The following HPSE2 variants were observed in gnomAD, a reference collection of about 807,000 sequenced individuals.
The protein encoded by HPSE2 is inactive heparanase-2.
Under a neutral mutation model 60.5 loss-of-function variants are expected in HPSE2, and 38 were observed. The observed-to-expected ratio is 0.63, with a 90% CI of 0.48 to 0.82. The LOEUF (loss-of-function observed/expected upper bound fraction) is 0.82, where lower values mean the gene tolerates loss of function less well. HPSE2 is among the 40% of genes least tolerant of loss of function. The pLI is 0.00. For missense variants in HPSE2, 713 were observed against 740.4 expected, an observed-to-expected ratio of 0.96 and a Z score of 0.43; for synonymous variants, 295 against 293.2, an observed-to-expected ratio of 1.01 and a Z score of -0.06.
At chr10:99,043,352 T>G (rs1957785361) in intron 3 of HPSE2, among the ~76,000 whole-genome samples, 2 of 152,076 alleles carry the variant, frequency 1.3e-5, no homozygotes, top group African/African-American at 2.4e-5. Flanking sequence ...GGCGTGGTGG[T>G]GGGCACCTGT....
chr10:98,767,463 C>T (rs1052525137), intron 3 of HPSE2, among the ~76,000 whole-genome samples: 2 of 149,930 alleles, frequency 1.3e-5, no homozygotes, highest in African/African-American at 4.9e-5. Context: ...TATGGAAATA[C>T]ATTATATGTT....
At position 98,721,804 on chromosome 10, in the gene HPSE2, T is replaced by G; in HGVS notation, c.809A>C (p.His270Pro). Residue 270 changes from histidine to proline, a missense_variant, in exon 5 of 12, where the codon CAT becomes CCT. Transcript: ENST00000370552. ...GNEPNNYRTM[H>P]GRAVNGSQLG... ...CTGGCTGCCATTTACTGCCCGGCCA[T>G]GCATGGTCCGATAGTTATTTGGCTC... 6.2e-7 allele frequency: 1 copy of G among 1,613,620 alleles called. No individual in the cohort carries two copies. The highest frequency in any genetic ancestry group is 1.7e-4 in the Middle Eastern group (1 of 6,056).
At chr10:98,753,416 G>A (rs1372394932) in intron 3 of HPSE2, among the ~76,000 whole-genome samples, 7 of 152,136 alleles carry the variant, frequency 4.6e-5, no homozygotes, top group Non-Finnish European at 7.4e-5. Context: ...CAGAAGAACT[G>A]ACAGTGGGGA....
chr10:99,080,980 G>C (rs944827653), intron 3 of HPSE2, among the ~76,000 whole-genome samples: 6 of 152,118 alleles, frequency 3.9e-5, no homozygotes, highest in African/African-American at 1.4e-4. Context: ...ATTTTTAGTA[G>C]AGACGGGGTT....
chr10:98,680,410 C>A (rs1414735427), intron 6 of HPSE2, among the ~76,000 whole-genome samples: 4 of 151,860 alleles, frequency 2.6e-5, no homozygotes, highest in Non-Finnish European at 5.9e-5. Context: ...AGTGTTAAAT[C>A]ATTTATTTGA....
the HPSE2 span, among the ~76,000 whole-genome samples, chr10:99,264,595 C>T: frequency 1.3e-5 from 2 of 152,182 alleles, no homozygotes; most frequent in Non-Finnish European, 2.9e-5. Flanking sequence ...CAAAAACTCG[C>T]TAACCAAGCA....
At chr10:98,532,716 G>A (rs547297160) in intron 9 of HPSE2, among the ~76,000 whole-genome samples, 3 of 152,306 alleles carry the variant, frequency 2.0e-5, no homozygotes, top group Non-Finnish European at 2.9e-5. Flanking sequence ...AGTAGGAGAA[G>A]ATGGTTTCAA....
chr10:99,123,712 G>A (rs1326375511), intron 3 of HPSE2, among the ~76,000 whole-genome samples: 1 of 152,172 alleles, frequency 6.6e-6, no homozygotes, highest in Non-Finnish European at 1.5e-5. Context: ...ATCCAAGGTG[G>A]GTAGCTCCTT....
intron 3 of HPSE2, among the ~76,000 whole-genome samples, chr10:98,763,439 GA>G (rs1213229586): frequency 1.3e-5 from 2 of 151,252 alleles, no homozygotes; most frequent in Non-Finnish European, 3.0e-5. Flanking sequence ...CAAGTATAAA[GA>G]AAAAAAATCT....
At chr10:98,608,902 C>G (rs913364937) in intron 9 of HPSE2, among the ~76,000 whole-genome samples, 1 of 152,040 alleles carries the variant, frequency 6.6e-6, no homozygotes, top group African/African-American at 2.4e-5. Context: ...CCCGCCCTAC[C>G]ACCTCCAGGT....
chr10:98,864,410 A>T (rs1952535757), intron 3 of HPSE2, among the ~76,000 whole-genome samples: 1 of 151,942 alleles, frequency 6.6e-6, no homozygotes, highest in Non-Finnish European at 1.5e-5. Flanking sequence ...TCACACACAC[A>T]CTCCACCAAG....
chr10:98,755,136 A>G (rs2134366984), intron 3 of HPSE2, among the ~76,000 whole-genome samples: 1 of 152,292 alleles, frequency 6.6e-6, no homozygotes, highest in African/African-American at 2.4e-5. Context: ...GACCCATCTC[A>G]CATGCAATGA....
chr10:98,836,799 C>T (rs937290468), intron 3 of HPSE2, among the ~76,000 whole-genome samples: 3 of 152,086 alleles, frequency 2.0e-5, no homozygotes, highest in Non-Finnish European at 2.9e-5. Context: ...CCAGCACTTT[C>T]GGAGGCCAAG....
intron 2 of HPSE2, among the ~76,000 whole-genome samples, chr10:99,172,938 A>G (rs1184746084): frequency 6.6e-6 from 1 of 152,200 alleles, no homozygotes; most frequent in Non-Finnish European, 1.5e-5. Context: ...AATCAAGGGG[A>G]TGACATTTTC....
Position 99,232,496 on chromosome 10 carries a change from G to C in HPSE2, c.300C>G (p.Arg100=). 1.3e-6 allele frequency: 2 copies of C among 1,554,376 alleles called. No individual in the cohort carries two copies. Among genetic ancestry groups the C allele is most frequent in the Non-Finnish European group, 1.7e-6 (2 of 1,149,296 alleles). The change falls in exon 2 of 12, where the codon CGC becomes CGG. Residue 100 remains arginine, a synonymous_variant. Transcript: ENST00000370552. ...DGWLDFLSSK[R]LVTLARGLSP... is the part of the protein sequence containing the mutation. ...AAAGTCCCCGGGCCAGGGTCACCAA[G>C]CGCTTGGAGCTGCAGAGGAAGAGAA...
intron 6 of HPSE2, among the ~76,000 whole-genome samples, chr10:98,681,969 G>C (rs1215796776): frequency 2.0e-5 from 3 of 152,128 alleles, no homozygotes; most frequent in Non-Finnish European, 4.4e-5. Flanking sequence ...TAAACCTATT[G>C]TAAATTCAAA....
chr10:98,531,740 AT>A (rs576023696), intron 9 of HPSE2, among the ~76,000 whole-genome samples: 2,109 of 151,876 alleles, frequency 0.014, 26 homozygotes, highest in Non-Finnish European at 0.02. Context: ...GACAGTAGCT[AT>A]TTTTCTGGAT....
intron 3 of HPSE2, among the ~76,000 whole-genome samples, chr10:99,092,369 G>A (rs1364310839): frequency 6.6e-6 from 1 of 152,144 alleles, no homozygotes; most frequent in Non-Finnish European, 1.5e-5. Flanking sequence ...AGGTCAGTAA[G>A]TATTGTGACT....
chr10:99,062,906 C>T (rs542760425), intron 3 of HPSE2, among the ~76,000 whole-genome samples: 1 of 152,306 alleles, frequency 6.6e-6, no homozygotes, highest in Admixed American at 6.5e-5. Flanking sequence ...TAACCAATGG[C>T]TGGTCCCTGA....
Sources: allele counts gnomAD v4.1 joint callset (sites outside exome capture counted in the v4.1 genomes callset), GRCh38; gene constraint gnomAD v4.1.1; transcripts MANE v1.5; gene names NCBI Gene and HGNC (gene_info 2026-07-23, HGNC 2026-07-21).